C1orf56: variants seen among roughly 807,000 people sequenced by gnomAD.
C1orf56 encodes the protein protein MENT.
Under a neutral mutation model 20.7 loss-of-function variants are expected in C1orf56, and 14 were observed. The ratio of observed to expected loss-of-function variants is 0.68; its 90% CI spans 0.45 to 1.06. The LOEUF (loss-of-function observed/expected upper bound fraction) is 1.06. C1orf56 is among the 50% of genes least tolerant of loss of function. C1orf56 has a pLI of 0.00. For missense variants in C1orf56, 424 were observed against 451.4 expected, an observed-to-expected ratio of 0.94 and a Z score of 0.55; for synonymous variants, 187 against 194.7, an observed-to-expected ratio of 0.96 and a Z score of 0.33.
Position 151,048,154 on chromosome 1 carries a change from G to C in C1orf56, c.307G>C (p.Glu103Gln). 1 of 1,614,178 alleles carries C rather than the reference G, an allele frequency of 6.2e-7. No homozygotes were observed. The highest frequency in any genetic ancestry group is 8.5e-7 in the Non-Finnish European group (1 of 1,180,030). Residue 103 changes from glutamate to glutamine, a missense_variant, in exon 1 of 2, where the codon GAG (glutamate) becomes CAG (glutamine). Coordinates refer to ENST00000368926, the MANE Select transcript of C1orf56 (RefSeq NM_017860.5). This position sits in a 1 kb window ranked among gnomAD's most constrained non-coding sequence, Gnocchi z 4.8. The stretch of plus-strand genomic sequence containing the variant: ...TAGCCGGTCGTCCGCCATTAACGAG[G>C]AGGATGGGTCTTCAGAAGAGGGGGT... ...GFSRSSAINEEDGSSEEGVVI... is the reference protein window; with the variant it reads ...GFSRSSAINEQDGSSEEGVVI...
In C1orf56 at chr1:151,048,454, C is replaced by A; in HGVS notation, c.607C>A (p.Leu203Met). 6.2e-7 allele frequency: 1 copy of A among 1,608,494 alleles called. No homozygotes were observed. The highest frequency in any genetic ancestry group is 1.1e-5 in the South Asian group (1 of 91,070). The change falls in exon 1 of 2, where the codon CTG (leucine) becomes ATG (methionine). Residue 203 changes from leucine to methionine, a missense_variant. Physicochemically the swap from Leu to Met is conservative, Grantham distance 15. Coordinates refer to ENST00000368926, the MANE Select transcript of C1orf56 (RefSeq NM_017860.5). The surrounding 1 kb of genome is among the most constrained non-coding windows in gnomAD (Gnocchi z 4.8). ...MPSPEDLRLV[L>M]MPWGPWHCHC... ...ATCTCCTGAGGATCTGCGGCTGGTG[C>A]TGATGCCCTGGGGCCCGTGGCACTG...
At position 151,048,265 on chromosome 1, in the gene C1orf56, A is replaced by G. The variant is rs765220707; in HGVS notation, c.418A>G (p.Ile140Val). 14 of 1,614,100 alleles carry G rather than the reference A, an allele frequency of 8.7e-6. No homozygotes were observed. Among genetic ancestry groups the G allele is most frequent in the Middle Eastern group, 1.6e-4 (1 of 6,084 alleles). ...NTAGSSSTRFIANSQEPEIRL... is the reference protein window; with the variant it reads ...NTAGSSSTRFVANSQEPEIRL... ...AGCGGGGAGTTCCAGCACGAGGTTT[A>G]TAGCCAATAGTCAGGAGCCTGAAAT... The change falls in exon 1 of 2, where the codon ATA (isoleucine) becomes GTA (valine). Residue 140 changes from isoleucine to valine, a missense_variant. Ile to Val is a conservative substitution (Grantham distance 29). Coordinates refer to ENST00000368926, the MANE Select transcript of C1orf56 (RefSeq NM_017860.5). The surrounding 1 kb of genome is among the most constrained non-coding windows in gnomAD (Gnocchi z 4.8).
At position 151,048,797 on chromosome 1, in the gene C1orf56, T is replaced by C. The variant is rs1454775438; in HGVS notation, c.950T>C (p.Ile317Thr). 3 of 1,609,146 alleles carry C rather than the reference T, an allele frequency of 1.9e-6. No individual in the cohort carries two copies. ...PALAFWKRVR[I>T]GLEDIWNSLS... ...CTGGCTTTTTGGAAACGGGTCAGGA[T>C]TGGCCTGGAGGATATTTGGAATAGC... The change falls in exon 1 of 2, where the codon ATT (isoleucine) becomes ACT (threonine). Residue 317 changes from isoleucine (I) to threonine (T), a missense_variant. Ile to Thr is a moderately conservative substitution (Grantham distance 89, BLOSUM62 -1). Coordinates refer to ENST00000368926, the MANE Select transcript of C1orf56 (RefSeq NM_017860.5). This position sits in a 1 kb window ranked among gnomAD's most constrained non-coding sequence, Gnocchi z 4.8.
chr1:151,048,776 C>T lies in C1orf56; in HGVS notation c.929C>T (p.Ala310Val). The T allele has an allele frequency of 6.2e-7, 1 of 1,613,460 alleles. No homozygotes were observed. The highest frequency in any genetic ancestry group is 8.5e-7 in the Non-Finnish European group (1 of 1,179,724). ...LPPASPCPAL[A>V]FWKRVRIGLE... is the part of the protein sequence containing the mutation. The stretch of plus-strand genomic sequence containing the variant: ...CCCGCCAGCCCCTGCCCAGCCCTGG[C>T]TTTTTGGAAACGGGTCAGGATTGGC... Residue 310 changes from alanine to valine, a missense_variant, in exon 1 of 2, where the codon GCT becomes GTT. Coordinates refer to ENST00000368926, the MANE Select transcript of C1orf56 (RefSeq NM_017860.5). The surrounding 1 kb of genome is among the most constrained non-coding windows in gnomAD (Gnocchi z 4.8).
rs1017664758 is a variant in C1orf56 at position 151,048,878 on chromosome 1, T to A, written c.1005+26T>A. Reference sequence around the variant, plus strand: ...GTAAGTGTTTGGTGATGAGCCAGGGTCTTTGTTGACGGATCTGAAAAGTCC... The same window carrying A: ...GTAAGTGTTTGGTGATGAGCCAGGGACTTTGTTGACGGATCTGAAAAGTCC... On this transcript the variant is annotated intron_variant, in intron 1 of 1. Transcript: ENST00000368926. This position sits in a 1 kb window ranked among gnomAD's most constrained non-coding sequence, Gnocchi z 4.8. 6.6e-7 allele frequency: 1 copy of A among 1,519,122 alleles called. No individual in the cohort carries two copies. Among genetic ancestry groups the A allele is most frequent in the Non-Finnish European group, 8.8e-7 (1 of 1,133,160 alleles). 94.1% of individuals were successfully genotyped at this position (1,519,122 alleles called of 1,614,324 possible).
At position 151,050,541 on chromosome 1, in the gene C1orf56, G is replaced by A; in HGVS notation, c.*83G>A. 7.2e-7 allele frequency: 1 copy of A among 1,395,580 alleles called. No homozygotes were observed. Among genetic ancestry groups the A allele is most frequent in the Non-Finnish European group, 9.8e-7 (1 of 1,018,108 alleles). The allele number at this position is 1,395,580 out of a possible 1,614,324, so 86.4% of individuals were successfully genotyped here. The stretch of plus-strand genomic sequence containing the variant: ...TCCTAGCACCCACTAGATATTTTTA[G>A]TACAGAAAAACAAAACTGGAAAACA... On this transcript the variant is annotated 3_prime_UTR_variant, in exon 2 of 2. Transcript: ENST00000368926.
At position 151,047,817 on chromosome 1, in the gene C1orf56, G is replaced by A; in HGVS notation, c.-31G>A. 6.6e-7 allele frequency: 1 copy of A among 1,505,662 alleles called. No homozygotes were observed. Among genetic ancestry groups the A allele is most frequent in the Non-Finnish European group, 8.8e-7 (1 of 1,134,260 alleles). The allele number at this position is 1,505,662 out of a possible 1,614,324, so 93.3% of individuals were successfully genotyped here. On this transcript the variant is annotated 5_prime_UTR_variant, in exon 1 of 2. Transcript: ENST00000368926. ...GTAGGAGGCAGGGCTTGCCTCACTG[G>A]CCACCCTCCCAACCCCAAGAGCCCA...
In C1orf56 at chr1:151,048,834, G is replaced by T; in HGVS notation, c.987G>T (p.Val329=). 6.4e-7 allele frequency: 1 copy of T among 1,566,290 alleles called. No individual in the cohort carries two copies. The highest frequency in any genetic ancestry group is 2.3e-5 in the East Asian group (1 of 44,416). The part of the protein sequence containing the change: ...LEDIWNSLSS[V]FTEMQPIDRN... Reference sequence around the variant, plus strand: ...ATATTTGGAATAGCCTCTCTTCAGTGTTCACAGAGATGCAACCAGTAAGTG... The same window carrying T: ...ATATTTGGAATAGCCTCTCTTCAGTTTTCACAGAGATGCAACCAGTAAGTG... Residue 329 remains valine, a synonymous_variant, in exon 1 of 2, where the codon GTG becomes GTT. Transcript: ENST00000368926. This position sits in a 1 kb window ranked among gnomAD's most constrained non-coding sequence, Gnocchi z 4.8.
At position 151,051,248 on chromosome 1, in the gene C1orf56, A is replaced by C. The variant is rs1416398126; in HGVS notation, c.*790A>C. 6.6e-6 allele frequency: 1 copy of C among 152,078 alleles called. No homozygotes were observed. 9.4% of individuals were successfully genotyped at this position (152,078 alleles called of 1,614,324 possible). On this transcript the variant is annotated 3_prime_UTR_variant, in exon 2 of 2. Transcript: ENST00000368926. The stretch of plus-strand genomic sequence containing the variant: ...TATCCTGTTAACCCTTTAGATCTCT[A>C]GTATAACACTCAGGCTACTGAGGTA...
Position 151,048,145 on chromosome 1 carries a change from A to G in C1orf56, c.298A>G (p.Ile100Val). 6.2e-7 allele frequency: 1 copy of G among 1,614,072 alleles called. No homozygotes were observed. Among genetic ancestry groups the G allele is most frequent in the South Asian group, 1.1e-5 (1 of 91,088 alleles). ...VSTGFSRSSA[I>V]NEEDGSSEEG... is the part of the protein sequence containing the mutation. ...CACCGGCTTTAGCCGGTCGTCCGCC[A>G]TTAACGAGGAGGATGGGTCTTCAGA... The change falls in exon 1 of 2, where the codon ATT (isoleucine) becomes GTT (valine). Residue 100 changes from isoleucine to valine, a missense_variant. Transcript: ENST00000368926. The surrounding 1 kb of genome is among the most constrained non-coding windows in gnomAD (Gnocchi z 4.8).
chr1:151,048,844 A>T lies in C1orf56; in HGVS notation c.997A>T (p.Met333Leu). 1.9e-6 allele frequency: 3 copies of T among 1,550,496 alleles called. No homozygotes were observed. Among genetic ancestry groups the T allele is most frequent in the Non-Finnish European group, 2.6e-6 (3 of 1,146,970 alleles). Residue 333 changes from methionine to leucine, a missense_variant, in exon 1 of 2, where the codon ATG (methionine) becomes TTG (leucine). Physicochemically the swap from Met to Leu is conservative, Grantham distance 15. Coordinates refer to ENST00000368926, the MANE Select transcript of C1orf56 (RefSeq NM_017860.5). This position sits in a 1 kb window ranked among gnomAD's most constrained non-coding sequence, Gnocchi z 4.8. ...TAGCCTCTCTTCAGTGTTCACAGAG[A>T]TGCAACCAGTAAGTGTTTGGTGATG... ...WNSLSSVFTEMQPIDRNQR is the reference protein window; with the variant it reads ...WNSLSSVFTELQPIDRNQR
rs1676083300 is a variant in C1orf56, at chr1:151,047,763, G to A, written c.-85G>A. 2 of 1,426,704 alleles carry A rather than the reference G, an allele frequency of 1.4e-6. No homozygotes were observed. The highest frequency in any genetic ancestry group is 1.4e-5 in the African/African-American group (1 of 69,398). 88.4% of individuals were successfully genotyped at this position (1,426,704 alleles called of 1,614,324 possible). On this transcript the variant is annotated 5_prime_UTR_variant, in exon 1 of 2. Coordinates refer to ENST00000368926, the MANE Select transcript of C1orf56 (RefSeq NM_017860.5). ...CGGGCCTCGGTTCAAACGACCCGGT[G>A]GGTCTACAGCGGAAGGGAGGGAGCG...
rs1191980043 is a variant in C1orf56, at chr1:151,048,792, C to G, written c.945C>G (p.Val315=). ...PCPALAFWKR[V]RIGLEDIWNS... ...CAGCCCTGGCTTTTTGGAAACGGGT[C>G]AGGATTGGCCTGGAGGATATTTGGA... The change falls in exon 1 of 2, where the codon GTC becomes GTG. Residue 315 remains valine, a synonymous_variant. Transcript: ENST00000368926. This position sits in a 1 kb window ranked among gnomAD's most constrained non-coding sequence, Gnocchi z 4.8. The G allele has an allele frequency of 6.2e-7, 1 of 1,609,836 alleles. No homozygotes were observed. Among genetic ancestry groups the G allele is most frequent in the East Asian group, 2.2e-5 (1 of 44,878 alleles).
At position 151,050,496 on chromosome 1, in the gene C1orf56, A is replaced by C; in HGVS notation, c.*38A>C. ...CCACATGAGGAGATGTCAGTATCTC[A>C]ACCTCTCTTGCCCTTTCAATCCTAG... On this transcript the variant is annotated 3_prime_UTR_variant, in exon 2 of 2. Transcript: ENST00000368926. 6.3e-7 allele frequency: 1 copy of C among 1,594,768 alleles called. No homozygotes were observed. The highest frequency in any genetic ancestry group is 8.6e-7 in the Non-Finnish European group (1 of 1,168,856).
Position 151,048,551 on chromosome 1 carries a change from T to C in C1orf56, c.704T>C (p.Val235Ala), listed in dbSNP as rs755712771. 1.2e-6 allele frequency: 2 copies of C among 1,613,858 alleles called. No homozygotes were observed. Among genetic ancestry groups the C allele is most frequent in the Non-Finnish European group, 1.7e-6 (2 of 1,180,022 alleles). ...KLHGLSGRLR[V>A]GALSQLRTEH... ...CACGGCCTTTCCGGGCGCCTTCGAG[T>C]TGGGGCGCTGAGCCAGCTCCGCACG... The change falls in exon 1 of 2, where the codon GTT becomes GCT. Residue 235 changes from valine (V) to alanine (A), a missense_variant. Transcript: ENST00000368926. The surrounding 1 kb of genome is among the most constrained non-coding windows in gnomAD (Gnocchi z 4.8).
intron 1 of C1orf56, among the ~76,000 whole-genome samples, chr1:151,049,271 G>C (rs1676126860): frequency 7.3e-6 from 1 of 136,568 alleles, no homozygotes. Flanking sequence ...CCACCACCAT[G>C]CCCGGCTAAT....
Position 151,048,632 on chromosome 1 carries a change from G to A in C1orf56, c.785G>A (p.Cys262Tyr), listed in dbSNP as rs1446213774. 5.6e-6 allele frequency: 9 copies of A among 1,612,318 alleles called. No homozygotes were observed. Among genetic ancestry groups the A allele is most frequent in the South Asian group, 4.4e-5 (4 of 91,086 alleles). Residue 262 changes from cysteine to tyrosine, a missense_variant, in exon 1 of 2, where the codon TGC (cysteine) becomes TAC (tyrosine). Cys to Tyr is a radical substitution (Grantham distance 194, BLOSUM62 -2). Coordinates refer to ENST00000368926, the MANE Select transcript of C1orf56 (RefSeq NM_017860.5). The surrounding 1 kb of genome is among the most constrained non-coding windows in gnomAD (Gnocchi z 4.8). The part of the protein sequence containing the change: ...QCPCNRLREE[C>Y]PLDTSLCTDT... ...CCCTGCAACCGACTTCGGGAAGAGT[G>A]CCCCCTGGACACAAGTCTCTGTACT...
Position 151,048,856 on chromosome 1 carries a change from A to T in C1orf56, c.1005+4A>T. On this transcript the variant is annotated splice_donor_region_variant and intron_variant, in intron 1 of 1. Transcript: ENST00000368926. The surrounding 1 kb of genome is among the most constrained non-coding windows in gnomAD (Gnocchi z 4.8). ...AGTGTTCACAGAGATGCAACCAGTA[A>T]GTGTTTGGTGATGAGCCAGGGTCTT... The T allele has an allele frequency of 6.5e-7, 1 of 1,535,760 alleles. No individual in the cohort carries two copies. The highest frequency in any genetic ancestry group is 8.8e-7 in the Non-Finnish European group (1 of 1,140,172).
Position 151,047,825 on chromosome 1 carries a change from C to T in C1orf56, c.-23C>T. On this transcript the variant is annotated 5_prime_UTR_variant, in exon 1 of 2. Coordinates refer to ENST00000368926, the MANE Select transcript of C1orf56 (RefSeq NM_017860.5). ...CAGGGCTTGCCTCACTGGCCACCCT[C>T]CCAACCCCAAGAGCCCAGCCCCATG... 1 of 1,523,298 alleles carries T rather than the reference C, an allele frequency of 6.6e-7. No homozygotes were observed. Among genetic ancestry groups the T allele is most frequent in the Non-Finnish European group, 8.8e-7 (1 of 1,141,868 alleles). The allele number at this position is 1,523,298 out of a possible 1,614,324, so 94.4% of individuals were successfully genotyped here. A position where few individuals can be genotyped will look rare whatever the true frequency, so the allele number is the denominator to read the frequency against.
Sources: allele counts gnomAD v4.1 joint callset (sites outside exome capture counted in the v4.1 genomes callset), GRCh38; gene constraint gnomAD v4.1.1; non-coding constraint Gnocchi (gnomAD v3.1); transcripts MANE v1.5; gene names NCBI Gene and HGNC (gene_info 2026-07-23, HGNC 2026-07-21).